The following PTPRD variants were observed in gnomAD, a reference collection of about 807,000 sequenced individuals.
PTPRD encodes receptor-type tyrosine-protein phosphatase delta.
Under a neutral mutation model 214.5 loss-of-function variants are expected in PTPRD, and 34 were observed. That is an observed-to-expected ratio of 0.16 (90% CI 0.12 to 0.21). The LOEUF is 0.21. Among genes scored for constraint, PTPRD ranks in the 10% least tolerant of loss-of-function variants. The pLI is 1.00. For synonymous variants in PTPRD, 1,128 were observed against 845.7 expected (o/e 1.33, Z -5.79); for missense variants, 2,545 against 2,398.7 (o/e 1.06, Z -1.27).
At chr9:8,476,329 A>T (rs144171918) in intron 30 of PTPRD, among the ~76,000 whole-genome samples, 52 of 152,256 alleles carry the variant, frequency 3.4e-4, no homozygotes, top group African/African-American at 1.3e-3. Context: ...CACTGATCTG[A>T]CAGGAGGCGG....
chr9:9,738,854 CA>C (rs2098348923), intron 6 of PTPRD, among the ~76,000 whole-genome samples: 1 of 152,040 alleles, frequency 6.6e-6, no homozygotes, highest in Non-Finnish European at 1.5e-5. Flanking sequence ...TGTTGTCTTT[CA>C]CTCTATGGTA....
intron 2 of PTPRD, among the ~76,000 whole-genome samples, chr9:10,597,204 A>C (rs185772606): frequency 7.8e-4 from 118 of 151,788 alleles, no homozygotes; most frequent in African/African-American, 2.7e-3. Context: ...AAAGGGTTCC[A>C]AAAACAATTT....
At chr9:9,118,150 T>A (rs761059842) in intron 10 of PTPRD, among the ~76,000 whole-genome samples, 1 of 152,204 alleles carries the variant, frequency 6.6e-6, no homozygotes, top group Admixed American at 6.5e-5. Context: ...TTGCTACAAC[T>A]TTTGACTGTG....
intron 3 of PTPRD, among the ~76,000 whole-genome samples, chr9:10,303,801 C>G (rs1466012975): frequency 6.6e-6 from 1 of 152,068 alleles, no homozygotes; most frequent in South Asian, 2.1e-4. Context: ...TGTCCAGGAC[C>G]AGATGGATTC....
chr9:10,332,114 G>C (rs553764361), intron 3 of PTPRD, among the ~76,000 whole-genome samples: 100 of 151,880 alleles, frequency 6.6e-4, no homozygotes, highest in African/African-American at 2.4e-3. Flanking sequence ...TATACTGATG[G>C]ATGCATTTCA....
At chr9:9,716,035 G>A (rs1366080931) in intron 7 of PTPRD, among the ~76,000 whole-genome samples, 1 of 150,728 alleles carries the variant, frequency 6.6e-6, no homozygotes, top group African/African-American at 2.5e-5. Context: ...CCCAGAGTGT[G>A]ATGTCCCCCT....
chr9:8,360,399 G>C (rs373546230), intron 39 of PTPRD, among the ~76,000 whole-genome samples: 1 of 152,154 alleles, frequency 6.6e-6, no homozygotes, highest in Non-Finnish European at 1.5e-5. Flanking sequence ...AAAAACTGGT[G>C]AATCTAATAT....
chr9:8,655,827 T>C (rs992410831), intron 12 of PTPRD, among the ~76,000 whole-genome samples: 2 of 151,986 alleles, frequency 1.3e-5, no homozygotes, highest in African/African-American at 4.8e-5. Context: ...TTCTTACTTC[T>C]GGTCTTTCCA....
chr9:8,713,661 C>G (rs2098394821), intron 12 of PTPRD: 1 of 1,506,882 alleles, frequency 6.6e-7, no homozygotes, highest in South Asian at 1.1e-5. Context: ...GCGCCCGGCA[C>G]CGCGCCCGGG....
intron 11 of PTPRD, among the ~76,000 whole-genome samples, chr9:8,890,083 TAA>T: frequency 6.6e-6 from 1 of 152,336 alleles, no homozygotes; most frequent in Middle Eastern, 3.4e-3. Flanking sequence ...TCCAGTAGTG[TAA>T]AAGTGTTCCC....
At chr9:8,411,089 CTTAA>C (rs999301306) in intron 35 of PTPRD, among the ~76,000 whole-genome samples, 100 of 151,972 alleles carry the variant, frequency 6.6e-4, no homozygotes, top group African/African-American at 2.3e-3. Flanking sequence ...ACCAAAAATA[CTTAA>C]TTCTTTTTTT....
chr9:10,150,190 GA>G (rs1350405480), intron 3 of PTPRD, among the ~76,000 whole-genome samples: 2 of 151,984 alleles, frequency 1.3e-5, no homozygotes, highest in African/African-American at 4.8e-5. Context: ...TAATAGTGAG[GA>G]ACAAAAAATA....
chr9:9,200,967 T>A (rs977649144), intron 9 of PTPRD, among the ~76,000 whole-genome samples: 31 of 152,316 alleles, frequency 2.0e-4, no homozygotes, highest in African/African-American at 7.5e-4. Context: ...GCACAGTGTA[T>A]GCTGCAAATA....
intron 11 of PTPRD, among the ~76,000 whole-genome samples, chr9:8,786,671 T>C (rs2095991197): frequency 2.6e-5 from 4 of 151,144 alleles, no homozygotes. Flanking sequence ...CGCCTCGGCA[T>C]CCTAAAGTGC....
intron 3 of PTPRD, among the ~76,000 whole-genome samples, chr9:10,153,369 T>C (rs1221991347): frequency 6.6e-6 from 1 of 151,572 alleles, no homozygotes; most frequent in Non-Finnish European, 1.5e-5. Flanking sequence ...AAATTTATGA[T>C]TTTGTGGGTC....
intron 2 of PTPRD, among the ~76,000 whole-genome samples, chr9:10,369,807 A>AT (rs1452607324): frequency 6.6e-6 from 1 of 152,066 alleles, no homozygotes. Context: ...GCACATTAGA[A>AT]TTTTTTAATG....
At chr9:8,352,225 A>C (rs1398252544) in intron 39 of PTPRD, among the ~76,000 whole-genome samples, 1 of 152,176 alleles carries the variant, frequency 6.6e-6, no homozygotes, top group Non-Finnish European at 1.5e-5. Context: ...TAGAAGGCTA[A>C]TGTGTTCGCG....
At position 8,930,602 on chromosome 9, in the gene PTPRD, C is replaced by T. The variant is rs547408489; in HGVS notation, c.-104+88095G>A. On this transcript the variant is annotated intron_variant, in intron 11 of 45. Coordinates refer to ENST00000381196, the MANE Select transcript of PTPRD (RefSeq NM_002839.4). Reference sequence around the variant, plus strand: ...AACAGTGTAAAAGTGTTCCTGTTTTCCCACATCCTCTCCAGCACCTGTTGT... The same window carrying T: ...AACAGTGTAAAAGTGTTCCTGTTTTTCCACATCCTCTCCAGCACCTGTTGT... Among the ~76,000 whole-genome samples, 208 of 151,950 alleles carry T rather than the reference C, an allele frequency of 1.4e-3. 1 individual carries two copies. The highest frequency in any genetic ancestry group is 4.8e-3 in the African/African-American group (200 of 41,300).
chr9:10,271,013 T>C (rs111824478), intron 3 of PTPRD, among the ~76,000 whole-genome samples: 4,238 of 152,100 alleles, frequency 0.028, 192 homozygotes, highest in African/African-American at 0.096. Flanking sequence ...AATGTAGAGA[T>C]AGGGTCTTGC....
Sources: gnomAD v4.1 joint callset for allele counts (sites outside exome capture counted in the v4.1 genomes callset) on GRCh38, gnomAD v4.1.1 for gene constraint, MANE v1.5 for transcripts, NCBI Gene and HGNC (gene_info 2026-07-23, HGNC 2026-07-21) for gene names.